Variants in ZNF565 observed in about 807,000 individuals in gnomAD.
The protein encoded by ZNF565 is zinc finger protein 565.
A neutral mutation model predicts 39.4 loss-of-function variants in ZNF565; 27 were observed. The ratio of observed to expected loss-of-function variants is 0.69; its 90% CI spans 0.51 to 0.95. The LOEUF (loss-of-function observed/expected upper bound fraction) is 0.95, where lower values mean the gene tolerates loss of function less well. Ranked by LOEUF, ZNF565 falls within the 40% of genes least tolerant of loss-of-function variation. The pLI, the probability that ZNF565 is intolerant of heterozygous loss-of-function variation, is 0.00. For synonymous variants in ZNF565, 185 were observed against 216.6 expected, an observed-to-expected ratio of 0.85 and a Z score of 1.28; for missense variants, 524 against 621.1, an observed-to-expected ratio of 0.84 and a Z score of 1.66.
chr19:36,225,066 A>G (rs943068794), intron 1 of ZNF565, among the ~76,000 whole-genome samples: 7 of 152,238 alleles, frequency 4.6e-5, no homozygotes, highest in East Asian at 1.9e-4. Context: ...GTGTTTTTCT[A>G]TTACTTTTAT....
At chr19:36,233,122 G>A (rs1977461626) in intron 1 of ZNF565, among the ~76,000 whole-genome samples, 2 of 152,162 alleles carry the variant, frequency 1.3e-5, no homozygotes, top group South Asian at 2.1e-4. Flanking sequence ...GGTGGCTCAC[G>A]CCTGTAGTGC....
intron 1 of ZNF565, among the ~76,000 whole-genome samples, chr19:36,209,443 C>T (rs79041112): frequency 1.3e-5 from 2 of 151,904 alleles, no homozygotes; most frequent in South Asian, 4.2e-4. Context: ...TGCTGTGAGC[C>T]GAGATTGCGC....
intron 1 of ZNF565, among the ~76,000 whole-genome samples, chr19:36,244,722 G>A (rs780795596): frequency 1.6e-4 from 25 of 151,928 alleles, no homozygotes; most frequent in Non-Finnish European, 3.4e-4. Context: ...GTGGTGGCAT[G>A]CGCCTGTAAT....
chr19:36,188,981 C>G (rs1385007866), intron 4 of ZNF565, among the ~76,000 whole-genome samples: 1 of 152,126 alleles, frequency 6.6e-6, no homozygotes, highest in African/African-American at 2.4e-5. Context: ...TAGGCAAATT[C>G]ATACAGACAA....
intron 1 of ZNF565, among the ~76,000 whole-genome samples, chr19:36,244,090 T>G (rs924434833): frequency 1.3e-5 from 2 of 151,978 alleles, no homozygotes; most frequent in South Asian, 2.1e-4. Context: ...CTGCCGTAGC[T>G]GTCAACCAAA....
chr19:36,222,630 A>G (rs1568430442), intron 1 of ZNF565, among the ~76,000 whole-genome samples: 2 of 151,474 alleles, frequency 1.3e-5, no homozygotes, highest in African/African-American at 4.9e-5. Context: ...ATGAATGAGA[A>G]TTTTTTTTTA....
chr19:36,231,449 T>A (rs961382487), intron 1 of ZNF565, among the ~76,000 whole-genome samples: 1 of 152,200 alleles, frequency 6.6e-6, no homozygotes, highest in Non-Finnish European at 1.5e-5. Context: ...CCTCAAGTGA[T>A]CTGCCCGCCT....
chr19:36,204,186 C>T lies in ZNF565; in HGVS notation c.-65-2136G>A, dbSNP rs181078124. Reference sequence around the variant, plus strand: ...GCTGGTCTTGAACTCCTGAGCTCAACTGATCTGCCCACCTCGGCCTCCGAA... The same window carrying T: ...GCTGGTCTTGAACTCCTGAGCTCAATTGATCTGCCCACCTCGGCCTCCGAA... On this transcript the variant is annotated intron_variant, in intron 1 of 4. Coordinates refer to ENST00000304116, the MANE Select transcript of ZNF565 (RefSeq NM_152477.5). Among the ~76,000 whole-genome samples the T allele has an allele frequency of 5.0e-4, 76 of 152,006 alleles. 1 individual carries two copies. The South Asian group carries it at 7.7e-3, about 15-fold the overall frequency.
At chr19:36,199,200 ATACCTGAGT>A (rs1369418092) in intron 2 of ZNF565, among the ~76,000 whole-genome samples, 2 of 152,246 alleles carry the variant, frequency 1.3e-5, no homozygotes, top group Non-Finnish European at 2.9e-5. Flanking sequence ...GATGGAGGGT[ATACCTGAGT>A]TACATAAATG....
At chr19:36,205,354 T>C (rs1439722829) in intron 1 of ZNF565, among the ~76,000 whole-genome samples, 1 of 151,970 alleles carries the variant, frequency 6.6e-6, no homozygotes, top group East Asian at 1.9e-4. Flanking sequence ...ATGGTGAAAC[T>C]GCATCTCTAC....
At chr19:36,240,588 G>T (rs917784051) in intron 1 of ZNF565, among the ~76,000 whole-genome samples, 5 of 152,232 alleles carry the variant, frequency 3.3e-5, no homozygotes, top group Admixed American at 2.6e-4. Context: ...CCATGAAGGG[G>T]CTGGTCGTGG....
At chr19:36,211,449 TCACACACACACACACA>T (rs370230430) in intron 1 of ZNF565, among the ~76,000 whole-genome samples, 86 of 137,776 alleles carry the variant, frequency 6.2e-4, no homozygotes, top group South Asian at 3.0e-3. Flanking sequence ...CAACTCTCTC[TCACACACACACACACA>T]CACACACACA....
intron 4 of ZNF565, among the ~76,000 whole-genome samples, chr19:36,192,886 G>A (rs1164002462): frequency 7.2e-5 from 11 of 151,926 alleles, no homozygotes; most frequent in African/African-American, 2.4e-5. Context: ...GCATGATCTC[G>A]GTTTACTGCA....
intron 1 of ZNF565, among the ~76,000 whole-genome samples, chr19:36,212,605 G>A (rs1286707356): frequency 1.3e-5 from 2 of 150,832 alleles, no homozygotes; most frequent in African/African-American, 4.9e-5. Context: ...ATGGGTGACA[G>A]AGCAGGACTC....
At position 36,205,757 on chromosome 19, in the gene ZNF565, G is replaced by A. The variant is rs187911436; in HGVS notation, c.-65-3707C>T. On this transcript the variant is annotated intron_variant, in intron 1 of 4. Transcript: ENST00000304116. Reference sequence around the variant, plus strand: ...GAGGGCCTGACCCAGGACATTGGCAGCAGAAAAGAGGAGGAGAGAGATGAA... The same window carrying A: ...GAGGGCCTGACCCAGGACATTGGCAACAGAAAAGAGGAGGAGAGAGATGAA... Among the ~76,000 whole-genome samples, 134 of 151,828 alleles carry A rather than the reference G, an allele frequency of 8.8e-4. No homozygotes were observed. The East Asian group carries it at 0.018, about 20-fold the overall frequency.
At chr19:36,207,236 G>T (rs1976188541) in intron 1 of ZNF565, among the ~76,000 whole-genome samples, 1 of 152,144 alleles carries the variant, frequency 6.6e-6, no homozygotes, top group African/African-American at 2.4e-5. Context: ...CCAAGGAATG[G>T]CATAATCTGA....
chr19:36,234,255 A>C (rs1440594816), intron 1 of ZNF565, among the ~76,000 whole-genome samples: 1 of 152,194 alleles, frequency 6.6e-6, no homozygotes, highest in Non-Finnish European at 1.5e-5. Flanking sequence ...CTTAGTACAG[A>C]ACAAAATGGA....
rs571715694 is a variant in ZNF565 at position 36,242,453 on chromosome 19, G to A, written c.55+3023C>T. Among the ~76,000 whole-genome samples, 229 of 151,460 alleles carry A rather than the reference G, an allele frequency of 1.5e-3. 1 individual carries two copies. Among genetic ancestry groups the A allele is most frequent in the Non-Finnish European group, 2.4e-3 (163 of 67,918 alleles). On this transcript the variant is annotated intron_variant, in intron 1 of 4. Coordinates refer to the ZNF565 transcript ENST00000355114. Reference sequence around the variant, plus strand: ...CTATTAAAAATGGGCAAATTTCTGGGCACGGTGGCTCACACCTGTAATCCC... The same window carrying A: ...CTATTAAAAATGGGCAAATTTCTGGACACGGTGGCTCACACCTGTAATCCC...
At chr19:36,244,412 G>A (rs1490528332) in intron 1 of ZNF565, among the ~76,000 whole-genome samples, 1 of 152,180 alleles carries the variant, frequency 6.6e-6, no homozygotes, top group African/African-American at 2.4e-5. Context: ...TCTGGGCGTG[G>A]TGGTGGGTAC....
Sources: allele counts gnomAD v4.1 joint callset (sites outside exome capture counted in the v4.1 genomes callset), GRCh38; gene constraint gnomAD v4.1.1; transcripts MANE v1.5; gene names NCBI Gene and HGNC (gene_info 2026-07-23, HGNC 2026-07-21).